Variants in MKLN1 observed in about 807,000 individuals in gnomAD.
MKLN1 encodes the protein muskelin 1.
MKLN1 carries 18 observed loss-of-function variants against 99.0 expected under a neutral mutation model. The ratio of observed to expected loss-of-function variants is 0.18; its 90% CI spans 0.13 to 0.27. MKLN1 has a LOEUF of 0.27. Among genes scored for constraint, MKLN1 ranks in the 10% least tolerant of loss-of-function variants. The pLI, the probability that MKLN1 is intolerant of heterozygous loss-of-function variation, is 1.00. For synonymous variants in MKLN1, 288 were observed against 293.2 expected (o/e 0.98, Z 0.18); for missense variants, 621 against 875.9 (o/e 0.71, Z 3.67).
At chr7:131,403,821 A>G (rs1329508005) in intron 6 of MKLN1, among the ~76,000 whole-genome samples, 2 of 152,200 alleles carry the variant, frequency 1.3e-5, no homozygotes, top group African/African-American at 4.8e-5. Flanking sequence ...TCACTGTAAC[A>G]GATATGACAG....
intron 2 of MKLN1, among the ~76,000 whole-genome samples, chr7:131,193,815 A>G (rs1013254234): frequency 6.6e-6 from 1 of 151,778 alleles, no homozygotes. Context: ...TTTTGTAGAG[A>G]TGTGGTTTCC....
At chr7:131,392,499 A>C (rs1009867061) in intron 4 of MKLN1, among the ~76,000 whole-genome samples, 4 of 152,190 alleles carry the variant, frequency 2.6e-5, no homozygotes, top group African/African-American at 7.2e-5. Flanking sequence ...AGTATGTGCC[A>C]GTTACTGTGC....
intron 2 of MKLN1, among the ~76,000 whole-genome samples, chr7:131,147,895 G>A (rs991106549): frequency 5.9e-5 from 9 of 152,324 alleles, no homozygotes; most frequent in African/African-American, 2.2e-4. Flanking sequence ...GGAGGCTTGT[G>A]TAGTTCCTGC....
chr7:131,247,475 A>G (rs1797509999), intron 3 of MKLN1, among the ~76,000 whole-genome samples: 1 of 152,104 alleles, frequency 6.6e-6, no homozygotes, highest in African/African-American at 2.4e-5. Context: ...GGGCTTCCCA[A>G]AGTGCTGGGA....
At chr7:131,236,346 C>T (rs188865928) in intron 3 of MKLN1, among the ~76,000 whole-genome samples, 2 of 152,220 alleles carry the variant, frequency 1.3e-5, no homozygotes, top group African/African-American at 2.4e-5. Flanking sequence ...TCCCCTTTCT[C>T]GTGGTCACTA....
chr7:131,215,287 A>T (rs935232739), intron 3 of MKLN1, among the ~76,000 whole-genome samples: 9 of 152,188 alleles, frequency 5.9e-5, no homozygotes, highest in African/African-American at 1.7e-4. Flanking sequence ...ACCATAAGTG[A>T]TCCACACACC....
intron 6 of MKLN1, among the ~76,000 whole-genome samples, chr7:131,402,151 A>G (rs1280621413): frequency 6.6e-6 from 1 of 152,198 alleles, no homozygotes; most frequent in Non-Finnish European, 1.5e-5. Context: ...CTGCTGCTTT[A>G]TCAGCTAAGT....
Position 131,192,181 on chromosome 7 carries a change from AATATATAAAATATAATATATAC to A in MKLN1, c.-296-10674_-296-10653del, listed in dbSNP as rs1563247435. 1.6e-3 allele frequency among the ~76,000 whole-genome samples: 149 copies of A among 95,402 alleles called. 3 individuals carry two copies. Among genetic ancestry groups the A allele is most frequent in the African/African-American group, 5.5e-3 (115 of 21,002 alleles). The allele number at this position is 95,402 out of a possible 152,430, so 62.6% of individuals were successfully genotyped here. A position where few individuals can be genotyped will look rare whatever the true frequency, so the allele number is the denominator to read the frequency against. The stretch of plus-strand genomic sequence containing the variant: ...TATATACTTATGTATAATATATAAA[AATATATAAAATATAATATATAC>A]AATATATAAATATATAAAATATATA... On this transcript the variant is annotated intron_variant, in intron 2 of 7. Transcript: ENST00000416992.
intron 16 of MKLN1, among the ~76,000 whole-genome samples, chr7:131,472,598 G>A (rs202025906): frequency 7.5e-4 from 3 of 4,022 alleles, no homozygotes; most frequent in African/African-American, 2.7e-3. Context: ...GTGTGTATGT[G>A]TGTGTGTGTG....
intron 8 of MKLN1, among the ~76,000 whole-genome samples, chr7:131,421,271 A>G (rs1450728678): frequency 6.6e-6 from 1 of 152,010 alleles, no homozygotes; most frequent in Non-Finnish European, 1.5e-5. Flanking sequence ...GCTTTCATAT[A>G]CTCTAAGTAT....
At chr7:131,387,917 C>A (rs1794079398) in intron 3 of MKLN1, among the ~76,000 whole-genome samples, 1 of 152,096 alleles carries the variant, frequency 6.6e-6, no homozygotes. Context: ...GCCTGTAATC[C>A]CAGAACTTTG....
Position 131,206,534 on chromosome 7 carries a change from A to AATTATT in MKLN1, c.-179+3573_-179+3578dup, listed in dbSNP as rs559998648. 1.3e-3 allele frequency among the ~76,000 whole-genome samples: 190 copies of AATTATT among 148,350 alleles called. 1 individual carries two copies. Among genetic ancestry groups the AATTATT allele is most frequent in the African/African-American group, 4.5e-3 (181 of 40,440 alleles). The stretch of plus-strand genomic sequence containing the variant: ...TTAATATACCTGTATGTATGTGTAT[A>AATTATT]ATTATTATTATTATTATTGTTATTA... On this transcript the variant is annotated intron_variant, in intron 3 of 7. Coordinates refer to the MKLN1 transcript ENST00000416992.
intron 3 of MKLN1, among the ~76,000 whole-genome samples, chr7:131,216,425 AAAAAAAAAAAAAG>A (rs1381819597): frequency 6.7e-6 from 1 of 148,604 alleles, no homozygotes; most frequent in African/African-American, 2.4e-5. Context: ...TCTGACTCAA[AAAAAAAAAAAAAG>A]AAAAAAAAGA....
At chr7:131,151,167 C>T (rs1795883620) in intron 2 of MKLN1, among the ~76,000 whole-genome samples, 1 of 152,200 alleles carries the variant, frequency 6.6e-6, no homozygotes, top group South Asian at 2.1e-4. Context: ...TGATAACTGC[C>T]TGTCCTCTCT....
chr7:131,120,935 C>T (rs1278252510), intron 1 of MKLN1, among the ~76,000 whole-genome samples: 1 of 152,160 alleles, frequency 6.6e-6, no homozygotes, highest in African/African-American at 2.4e-5. Flanking sequence ...TACCCCAATT[C>T]TGGTATCAAT....
Position 131,489,727 on chromosome 7 carries a change from T to C in MKLN1, c.*1999T>C, listed in dbSNP as rs181714553. Reference sequence around the variant, plus strand: ...GTGCTTTGTAATTTTTTTCATCAGTTCCTTAAATGTTATTTGGAGGAAACT... The same window carrying C: ...GTGCTTTGTAATTTTTTTCATCAGTCCCTTAAATGTTATTTGGAGGAAACT... On this transcript the variant is annotated 3_prime_UTR_variant, in exon 18 of 18. Transcript: ENST00000352689. 49 of 152,292 alleles carry C rather than the reference T, an allele frequency of 3.2e-4. No homozygotes were observed. The highest frequency in any genetic ancestry group is 1.1e-3 in the African/African-American group (45 of 41,570). The allele number at this position is 152,292 out of a possible 1,614,324, so 9.4% of individuals were successfully genotyped here.
At chr7:131,165,266 A>T (rs1584802561) in intron 2 of MKLN1, among the ~76,000 whole-genome samples, 1 of 151,976 alleles carries the variant, frequency 6.6e-6, no homozygotes, top group African/African-American at 2.4e-5. Flanking sequence ...GCTCACTGCA[A>T]CCTCTGCCTC....
Position 131,399,293 on chromosome 7 carries a change from A to T in MKLN1, c.563A>T (p.Asn188Ile). Residue 188 changes from asparagine to isoleucine, a missense_variant, in exon 6 of 18, where the codon AAC becomes ATC. Transcript: ENST00000352689. ...TGCCTAAAACACTTCAGACAACACA[A>T]CTATACAGAAGCTTTTGAGTCACTG... is the stretch of plus-strand genomic sequence containing the variant. ...RLCLKHFRQH[N>I]YTEAFESLQK... 6.2e-7 allele frequency: 1 copy of T among 1,614,042 alleles called. No homozygotes were observed. Among genetic ancestry groups the T allele is most frequent in the Non-Finnish European group, 8.5e-7 (1 of 1,179,954 alleles).
At chr7:131,371,656 G>A (rs1476182095) in intron 1 of MKLN1, among the ~76,000 whole-genome samples, 1 of 151,744 alleles carries the variant, frequency 6.6e-6, no homozygotes, top group African/African-American at 2.4e-5. Context: ...TTATGACACG[G>A]CTCTCTTCCT....
Sources: allele counts gnomAD v4.1 joint callset (sites outside exome capture counted in the v4.1 genomes callset), GRCh38; gene constraint gnomAD v4.1.1; transcripts MANE v1.5; gene names NCBI Gene and HGNC (gene_info 2026-07-23, HGNC 2026-07-21).